CAMSAP2: variants seen among roughly 807,000 people sequenced by gnomAD.
CAMSAP2 encodes calmodulin-regulated spectrin-associated protein 2.
In CAMSAP2, 26 loss-of-function variants were observed where a neutral mutation model predicts 146.1. The ratio of observed to expected loss-of-function variants is 0.18; its 90% CI spans 0.13 to 0.25. The LOEUF (loss-of-function observed/expected upper bound fraction) is 0.25. CAMSAP2 is among the 10% of genes least tolerant of loss of function. The probability of loss-of-function intolerance (pLI) is 1.00; values close to 1 mark genes in which losing one functional copy is unlikely to be tolerated. For synonymous variants in CAMSAP2, 499 were observed against 596.6 expected (o/e 0.84, Z 2.38); for missense variants, 1,381 against 1,759.3 (o/e 0.78, Z 3.85).
At chr1:200,805,815 A>G (rs373228005) in intron 2 of CAMSAP2, among the ~76,000 whole-genome samples, 3 of 152,230 alleles carry the variant, frequency 2.0e-5, no homozygotes, top group African/African-American at 7.2e-5. Flanking sequence ...AGGCTAGACT[A>G]ACAAAGCAGC....
intron 2 of CAMSAP2, among the ~76,000 whole-genome samples, chr1:200,789,493 G>A (rs935143528): frequency 8.6e-5 from 13 of 151,848 alleles, no homozygotes; most frequent in South Asian, 2.1e-4. Context: ...GACTTTGTTC[G>A]TGTGCTCTAT....
intron 3 of CAMSAP2, among the ~76,000 whole-genome samples, chr1:200,807,901 C>T (rs1666224672): frequency 1.3e-5 from 2 of 151,924 alleles, no homozygotes; most frequent in East Asian, 1.9e-4. Flanking sequence ...CCACCACACC[C>T]GGCTAATTTT....
chr1:200,771,083 A>C (rs1665103303), intron 2 of CAMSAP2, among the ~76,000 whole-genome samples: 1 of 152,188 alleles, frequency 6.6e-6, no homozygotes, highest in Admixed American at 6.5e-5. Flanking sequence ...ATGAGCATGG[A>C]GTAGGATGTC....
intron 2 of CAMSAP2, among the ~76,000 whole-genome samples, chr1:200,786,584 A>G (rs896647373): frequency 3.4e-5 from 5 of 145,198 alleles, no homozygotes; most frequent in Admixed American, 2.1e-4. Context: ...AGGTTTTGCC[A>G]TGTTGGCCAG....
intron 2 of CAMSAP2, among the ~76,000 whole-genome samples, chr1:200,802,023 C>G (rs1181878512): frequency 6.6e-6 from 1 of 152,038 alleles, no homozygotes. Flanking sequence ...ATCTCTGCAG[C>G]CTTATAGTAC....
intron 8 of CAMSAP2, 88 bp from the exon 9 acceptor site, chr1:200,847,122 G>A: frequency 2.3e-6 from 2 of 857,522 alleles, no homozygotes; most frequent in Admixed American, 2.5e-5. Context: ...AATGAGAGGT[G>A]GTAGTGTTGT....
At chr1:200,790,637 TG>T (rs1482227790) in intron 2 of CAMSAP2, among the ~76,000 whole-genome samples, 1 of 152,208 alleles carries the variant, frequency 6.6e-6, no homozygotes, top group Non-Finnish European at 1.5e-5. Flanking sequence ...TGGTTTGCCT[TG>T]TGTTCTCACC....
chr1:200,820,558 A>G (rs1666729999), intron 4 of CAMSAP2, among the ~76,000 whole-genome samples: 1 of 152,192 alleles, frequency 6.6e-6, no homozygotes, highest in African/African-American at 2.4e-5. Context: ...CCTGTGAGAG[A>G]GTAGGTAAAT....
chr1:200,757,876 C>T (rs1305528313), intron 1 of CAMSAP2, among the ~76,000 whole-genome samples: 5 of 152,172 alleles, frequency 3.3e-5, no homozygotes, highest in African/African-American at 1.2e-4. Context: ...ACTTTCACAA[C>T]TTAGGTTAGT....
chr1:200,811,022 C>T (rs1317425511), intron 3 of CAMSAP2, among the ~76,000 whole-genome samples: 1 of 152,232 alleles, frequency 6.6e-6, no homozygotes, highest in African/African-American at 2.4e-5. Context: ...TTAGCCTGCT[C>T]TTCTCTCTCT....
chr1:200,797,175 G>T (rs1665908092), intron 2 of CAMSAP2, among the ~76,000 whole-genome samples: 1 of 151,264 alleles, frequency 6.6e-6, no homozygotes, highest in African/African-American at 2.4e-5. Flanking sequence ...TAGTCCTTTG[G>T]GTATATACCC....
At position 200,742,732 on chromosome 1, in the gene CAMSAP2, A is replaced by C. The variant is rs149675291; in HGVS notation, c.139+2766A>C. Among the ~76,000 whole-genome samples the C allele has an allele frequency of 3.6e-4, 55 of 152,292 alleles. 1 individual carries two copies. In the East Asian group the frequency reaches 0.011, roughly 29 times the overall value. On this transcript the variant is annotated intron_variant, in intron 1 of 16. Coordinates refer to ENST00000358823, the MANE Select transcript of CAMSAP2 (RefSeq NM_203459.4). ...GCACTGATTTGGTGTTTTCTATTAG[A>C]AACTTTCTAACTTTTGATGTACTGA...
chr1:200,739,191 AG>A lies in CAMSAP2; in HGVS notation c.-636del, dbSNP rs1030761525. On this transcript the variant is annotated 5_prime_UTR_variant, in exon 1 of 17. Transcript: ENST00000358823. The surrounding 1 kb of genome is among the most constrained non-coding windows in gnomAD (Gnocchi z 4.8). ...GGGGACGGGCCGGCGGCGGCCTGTG[AG>A]CCGCAGTGATTTTGACGTTTTCCGC... is the stretch of plus-strand genomic sequence containing the variant. 3.3e-5 allele frequency among the ~76,000 whole-genome samples: 5 copies of A among 151,314 alleles called. No individual in the cohort carries two copies. The highest frequency in any genetic ancestry group is 7.4e-5 in the Non-Finnish European group (5 of 67,810).
intron 4 of CAMSAP2, among the ~76,000 whole-genome samples, chr1:200,817,917 C>T (rs545907955): frequency 3.3e-5 from 5 of 152,296 alleles, no homozygotes; most frequent in Non-Finnish European, 1.5e-5. Context: ...GATTATGTTT[C>T]ATTTCCCTGC....
At chr1:200,778,783 A>G (rs563644688) in intron 2 of CAMSAP2, among the ~76,000 whole-genome samples, 4 of 152,038 alleles carry the variant, frequency 2.6e-5, no homozygotes, top group Non-Finnish European at 5.9e-5. Flanking sequence ...TTTTTTCATT[A>G]TATATTAATA....
At position 200,850,068 on chromosome 1, in the gene CAMSAP2, C is replaced by T; in HGVS notation, c.3299C>T (p.Pro1100Leu). ...LNQPTEPPPK[P>L]VFPPTAPKNV... Reference sequence around the variant, plus strand: ...CAACCCACAGAACCCCCTCCTAAACCCGTTTTCCCACCCACTGCTCCAAAA... The same window carrying T: ...CAACCCACAGAACCCCCTCCTAAACTCGTTTTCCCACCCACTGCTCCAAAA... Residue 1100 changes from proline (P) to leucine (L), a missense_variant, in exon 11 of 17, where the codon CCC (proline) becomes CTC (leucine). Physicochemically the swap from Pro to Leu is moderately conservative, Grantham distance 98 (BLOSUM62 -3). Around this residue, in one of 4 missense-constraint regions of CAMSAP2, gnomAD observed 560 missense variants for 715.9 expected, o/e 0.78. Coordinates refer to ENST00000358823, the MANE Select transcript of CAMSAP2 (RefSeq NM_203459.4). 6.2e-7 allele frequency: 1 copy of T among 1,613,458 alleles called. No individual in the cohort carries two copies.
intron 1 of CAMSAP2, among the ~76,000 whole-genome samples, chr1:200,747,765 C>G (rs1374228159): frequency 1.3e-5 from 2 of 152,122 alleles, no homozygotes; most frequent in Admixed American, 6.5e-5. Context: ...AATCCCAGCA[C>G]TCTGGGAGGC....
intron 2 of CAMSAP2, among the ~76,000 whole-genome samples, chr1:200,805,917 T>C (rs1003894886): frequency 7.9e-5 from 12 of 152,186 alleles, no homozygotes; most frequent in African/African-American, 2.9e-4. Context: ...GAGAATGATA[T>C]GATGCAATCT....
intron 2 of CAMSAP2, among the ~76,000 whole-genome samples, chr1:200,799,210 T>G (rs971833209): frequency 1.3e-5 from 2 of 152,210 alleles, no homozygotes; most frequent in Non-Finnish European, 2.9e-5. Flanking sequence ...AGTCCCTCTT[T>G]TTCTGTTGTT....
Sources: gnomAD v4.1 joint callset for allele counts (sites outside exome capture counted in the v4.1 genomes callset) on GRCh38, gnomAD v4.1.1 for gene constraint, gnomAD v4.1.1 regional missense constraint, Gnocchi (gnomAD v3.1) non-coding constraint, MANE v1.5 for transcripts, NCBI Gene and HGNC (gene_info 2026-07-23, HGNC 2026-07-21) for gene names.